PBX1: variants seen among roughly 807,000 people sequenced by gnomAD.
The protein encoded by PBX1 is PBX homeobox 1.
Under a neutral mutation model 53.4 loss-of-function variants are expected in PBX1, and 6 were observed. The ratio of observed to expected loss-of-function variants is 0.11; its 90% CI spans 0.06 to 0.22. The LOEUF (loss-of-function observed/expected upper bound fraction) is 0.22, where lower values mean the gene tolerates loss of function less well. Among genes scored for constraint, PBX1 ranks in the 10% least tolerant of loss-of-function variants. The pLI, the probability that PBX1 is intolerant of heterozygous loss-of-function variation, is 1.00. For synonymous variants in PBX1, 204 were observed against 212.3 expected, an observed-to-expected ratio of 0.96 and a Z score of 0.34; for missense variants, 251 against 551.4, an observed-to-expected ratio of 0.46 and a Z score of 5.46.
chr1:164,847,026 G>C lies in PBX1; in HGVS notation c.*350G>C. 8.8e-7 allele frequency: 1 copy of C among 1,133,898 alleles called. No homozygotes were observed. Among genetic ancestry groups the C allele is most frequent in the Non-Finnish European group, 1.1e-6 (1 of 921,214 alleles). The allele number at this position is 1,133,898 out of a possible 1,614,324, so 70.2% of individuals were successfully genotyped here. ...TTTTCAACAATTAGAGGAATTTAAA[G>C]AGGAAAAAAATTACAAAGAAAATAA... On this transcript the variant is annotated 3_prime_UTR_variant, in exon 9 of 9. Coordinates refer to ENST00000420696, the MANE Select transcript of PBX1 (RefSeq NM_002585.4).
chr1:164,852,906 C>A (rs1364099896), downstream of PBX1, among the ~76,000 whole-genome samples: 1 of 152,206 alleles, frequency 6.6e-6, no homozygotes, highest in Non-Finnish European at 1.5e-5. Flanking sequence ...AGCAAGCAGG[C>A]TCCGATTACT....
intron 2 of PBX1, among the ~76,000 whole-genome samples, chr1:164,593,880 C>T (rs1015680126): frequency 1.3e-5 from 2 of 152,108 alleles, no homozygotes; most frequent in East Asian, 3.9e-4. Context: ...GCTCCTGATT[C>T]TCTCAGAGTT....
chr1:164,764,399 C>T (rs1666955553), intron 2 of PBX1, among the ~76,000 whole-genome samples: 1 of 152,110 alleles, frequency 6.6e-6, no homozygotes, highest in Admixed American at 6.5e-5. Context: ...TCACTTTAGC[C>T]TCTTAATATG....
At chr1:164,865,347 T>G (rs1672192512) in intron 2 of PBX1, among the ~76,000 whole-genome samples, 1 of 152,238 alleles carries the variant, frequency 6.6e-6, no homozygotes, top group Admixed American at 6.5e-5. Context: ...AAGTTAGGAT[T>G]GAGATCCTGA....
At chr1:164,871,090 G>T (rs149252463) in intron 2 of PBX1, among the ~76,000 whole-genome samples, 1 of 152,220 alleles carries the variant, frequency 6.6e-6, no homozygotes, top group East Asian at 1.9e-4. Context: ...AGAGGGGAAG[G>T]ATCAGACAGG....
rs1448544906 is a variant in PBX1, at chr1:164,849,261, G to C, written c.*2585G>C. On this transcript the variant is annotated 3_prime_UTR_variant, in exon 9 of 9. Transcript: ENST00000420696. ...ACATTTGCACAGGCAGTTTCTCTCC[G>C]GGCCGTAGTTTTCACTGATGATCAC... 8 of 1,527,070 alleles carry C rather than the reference G, an allele frequency of 5.2e-6. No individual in the cohort carries two copies. In the Admixed American group the frequency reaches 1.4e-4, roughly 26 times the overall value. The allele number at this position is 1,527,070 out of a possible 1,614,324, so 94.6% of individuals were successfully genotyped here.
At chr1:164,661,272 G>A (rs536923384) in intron 2 of PBX1, among the ~76,000 whole-genome samples, 34 of 152,278 alleles carry the variant, frequency 2.2e-4, no homozygotes, top group Non-Finnish European at 3.8e-4. Context: ...GAATCCAGCC[G>A]AGGGCCTCTC....
At chr1:164,853,398 A>T (rs1671902629), downstream of PBX1, among the ~76,000 whole-genome samples, 1 of 152,180 alleles carries the variant, frequency 6.6e-6, no homozygotes, top group Non-Finnish European at 1.5e-5. Flanking sequence ...AGCAAAAGAC[A>T]AGCCCATCTA....
At chr1:164,875,425 C>A (rs1403263639) in intron 2 of PBX1, among the ~76,000 whole-genome samples, 2 of 152,118 alleles carry the variant, frequency 1.3e-5, no homozygotes, top group African/African-American at 4.8e-5. Context: ...ACTTCAGCCT[C>A]CCTTGTAGCT....
At chr1:164,754,733 G>A (rs1281920099) in intron 2 of PBX1, among the ~76,000 whole-genome samples, 2 of 152,174 alleles carry the variant, frequency 1.3e-5, no homozygotes, top group African/African-American at 2.4e-5. Context: ...ATACAGATCA[G>A]TTTATGGGCA....
chr1:164,879,451 A>G (rs1181587156), intron 2 of PBX1, among the ~76,000 whole-genome samples: 1 of 152,214 alleles, frequency 6.6e-6, no homozygotes, highest in African/African-American at 2.4e-5. Context: ...CCGCTAAAAC[A>G]GAGGATTCTG....
chr1:164,701,081 G>C (rs1227550013), intron 2 of PBX1, among the ~76,000 whole-genome samples: 4 of 151,926 alleles, frequency 2.6e-5, no homozygotes, highest in African/African-American at 9.7e-5. Flanking sequence ...ATGCGTGTCA[G>C]ATAATAAGGT....
rs35564181 is a variant in PBX1, at chr1:164,766,738, ATTT to A, written c.266-25745_266-25743del. Among the ~76,000 whole-genome samples, 132 of 69,278 alleles carry A rather than the reference ATTT, an allele frequency of 1.9e-3. 2 individuals carry two copies. Among genetic ancestry groups the A allele is most frequent in the Middle Eastern group, 7.8e-3 (1 of 128 alleles). 45.4% of individuals were successfully genotyped at this position (69,278 alleles called of 152,430 possible). On this transcript the variant is annotated intron_variant, in intron 2 of 8. Coordinates refer to ENST00000420696, the MANE Select transcript of PBX1 (RefSeq NM_002585.4). ...TTTTCTTTTATTTATTTATTTATTTATTTTTTTTTTTTTGAGACAGAGTCTGGC... is the reference window on the plus strand; with the variant it reads ...TTTTCTTTTATTTATTTATTTATTTATTTTTTTTTTGAGACAGAGTCTGGC...
chr1:164,726,042 C>G (rs1015434985), intron 2 of PBX1, among the ~76,000 whole-genome samples: 1 of 152,180 alleles, frequency 6.6e-6, no homozygotes, highest in Non-Finnish European at 1.5e-5. Context: ...TGTTATCTTA[C>G]TGGAAAAGTG....
intron 3 of PBX1, 134 bp downstream of exon 3, chr1:164,792,872 C>T (rs770527784): frequency 1.4e-6 from 1 of 699,396 alleles, no homozygotes; most frequent in Non-Finnish European, 2.3e-6. Flanking sequence ...CATCCCCTGC[C>T]CAGCCACAGA....
chr1:164,750,896 CTGTTG>C (rs1464443058), intron 2 of PBX1, among the ~76,000 whole-genome samples: 4 of 152,094 alleles, frequency 2.6e-5, no homozygotes, highest in Non-Finnish European at 5.9e-5. Flanking sequence ...TACTTCAGGC[CTGTTG>C]TGTTATGTCT....
At chr1:164,650,204 G>A (rs1287254197) in intron 2 of PBX1, among the ~76,000 whole-genome samples, 2 of 151,332 alleles carry the variant, frequency 1.3e-5, no homozygotes, top group Non-Finnish European at 2.9e-5. Flanking sequence ...GGCATCTGGT[G>A]TAAAGAGAGA....
chr1:164,588,442 A>G (rs575198545), intron 2 of PBX1, among the ~76,000 whole-genome samples: 1 of 147,752 alleles, frequency 6.8e-6, no homozygotes, highest in Non-Finnish European at 1.5e-5. Flanking sequence ...GATGAGGAAA[A>G]AGAGAAAAGA....
intron 6 of PBX1, chr1:164,819,868 G>A (rs1015920983): frequency 2.0e-5 from 10 of 491,530 alleles, no homozygotes; most frequent in Non-Finnish European, 3.2e-5. Context: ...AGTAAGGTAT[G>A]GCTTCACATA....
Sources: gnomAD v4.1 joint callset for allele counts (sites outside exome capture counted in the v4.1 genomes callset) on GRCh38, gnomAD v4.1.1 for gene constraint, MANE v1.5 for transcripts, NCBI Gene and HGNC (gene_info 2026-07-23, HGNC 2026-07-21) for gene names.